Variants in TMEM87A observed in about 807,000 individuals in gnomAD.
TMEM87A encodes Golgi-pH regulating cation channel.
Under a neutral mutation model 90.0 loss-of-function variants are expected in TMEM87A, and 50 were observed. The observed-to-expected ratio is 0.56, with a 90% CI of 0.44 to 0.70. The LOEUF (loss-of-function observed/expected upper bound fraction) is 0.70. Among genes scored for constraint, TMEM87A ranks in the 30% least tolerant of loss-of-function variants. TMEM87A has a pLI of 0.00. For missense variants in TMEM87A, 577 were observed against 660.5 expected, an observed-to-expected ratio of 0.87 and a Z score of 1.39; for synonymous variants, 226 against 226.7, an observed-to-expected ratio of 1.00 and a Z score of 0.03.
chr15:42,254,813 T>C (rs1302439658), intron 6 of TMEM87A, among the ~76,000 whole-genome samples: 1 of 152,212 alleles, frequency 6.6e-6, no homozygotes, highest in East Asian at 1.9e-4. Flanking sequence ...ATTCATACAA[T>C]GTACACTGCA....
At chr15:42,230,010 G>A (rs2050661491) in intron 12 of TMEM87A, among the ~76,000 whole-genome samples, 1 of 152,156 alleles carries the variant, frequency 6.6e-6, no homozygotes, top group Non-Finnish European at 1.5e-5. Flanking sequence ...ATTTTTTGTA[G>A]AGATAGGGCT....
chr15:42,264,699 A>ATATATATT lies in TMEM87A; in HGVS notation c.292-497_292-496insAATATATA, dbSNP rs10681614. Among the ~76,000 whole-genome samples the ATATATATT allele has an allele frequency of 3.4e-3, 374 of 109,410 alleles. 4 individuals carry two copies. Among genetic ancestry groups the ATATATATT allele is most frequent in the African/African-American group, 8.3e-3 (269 of 32,510 alleles). The allele number at this position is 109,410 out of a possible 152,430, so 71.8% of individuals were successfully genotyped here. A position where few individuals can be genotyped will look rare whatever the true frequency, so the allele number is the denominator to read the frequency against. On this transcript the variant is annotated intron_variant, in intron 3 of 19. Transcript: ENST00000389834. ...TATGTGTGTGTATATATATATATATATTTTTTTTTTAACTTTTATTTTAGG... is the reference window on the plus strand; with the variant it reads ...TATGTGTGTGTATATATATATATATATATATATTTTTTTTTTTTAACTTTTATTTTAGG...
At chr15:42,240,828 A>C (rs1021193680) in intron 7 of TMEM87A, among the ~76,000 whole-genome samples, 1 of 152,238 alleles carries the variant, frequency 6.6e-6, no homozygotes, top group African/African-American at 2.4e-5. Flanking sequence ...ATTCCATAAG[A>C]GCAATTATAA....
At chr15:42,231,730 T>C in intron 11 of TMEM87A, 1 of 257,010 alleles carries the variant, frequency 3.9e-6, no homozygotes, top group Non-Finnish European at 6.4e-6. Flanking sequence ...CAAAATAAAA[T>C]GTAAGGCAAT....
At chr15:42,245,221 A>C (rs960341456) in intron 6 of TMEM87A, among the ~76,000 whole-genome samples, 1 of 152,130 alleles carries the variant, frequency 6.6e-6, no homozygotes, top group Non-Finnish European at 1.5e-5. Flanking sequence ...CTCACAACCA[A>C]TTTGTGAGAA....
At chr15:42,249,885 T>C (rs1195651039) in intron 6 of TMEM87A, among the ~76,000 whole-genome samples, 2 of 152,168 alleles carry the variant, frequency 1.3e-5, no homozygotes, top group Non-Finnish European at 2.9e-5. Flanking sequence ...AGTCTCTCAT[T>C]ATTATTGTGT....
intron 7 of TMEM87A, among the ~76,000 whole-genome samples, chr15:42,243,779 C>T (rs1392966507): frequency 6.6e-6 from 1 of 152,024 alleles, no homozygotes; most frequent in East Asian, 1.9e-4. Flanking sequence ...CACGGCCTCC[C>T]AAAGTGCTAG....
intron 9 of TMEM87A, 89 bp downstream of exon 9, chr15:42,237,343 G>T: frequency 7.9e-7 from 1 of 1,267,422 alleles, no homozygotes; most frequent in Non-Finnish European, 1.1e-6. Context: ...GAAAAGTTAA[G>T]CCTATGTAGT....
At chr15:42,233,832 A>AGT (rs2050727940) in intron 10 of TMEM87A, among the ~76,000 whole-genome samples, 3 of 152,194 alleles carry the variant, frequency 2.0e-5, no homozygotes, top group Admixed American at 6.5e-5. Flanking sequence ...GCTGAAGTGC[A>AGT]GTGGCCCAGT....
Position 42,239,703 on chromosome 15 carries a change from T to C in TMEM87A, c.651A>G (p.Glu217=). Reference sequence around the variant, plus strand: ...AGGGATAGTCTTCAAGTGTGAGGTATTCATAGGGACCCTTCACTTCAACAG... The same window carrying C: ...AGGGATAGTCTTCAAGTGTGAGGTACTCATAGGGACCCTTCACTTCAACAG... ...TMTVEVKGPY[E]YLTLEDYPLM... Residue 217 remains glutamate, a synonymous_variant, in exon 8 of 20, where the codon GAA becomes GAG. Coordinates refer to ENST00000389834, the MANE Select transcript of TMEM87A (RefSeq NM_015497.5). The C allele has an allele frequency of 3.7e-6, 6 of 1,614,008 alleles. No homozygotes were observed. Among genetic ancestry groups the C allele is most frequent in the Non-Finnish European group, 5.1e-6 (6 of 1,179,882 alleles).
In TMEM87A at chr15:42,219,674, C is replaced by T. The variant is rs200416248; in HGVS notation, c.1478-32G>A. On this transcript the variant is annotated intron_variant, in intron 16 of 19. Coordinates refer to ENST00000389834, the MANE Select transcript of TMEM87A (RefSeq NM_015497.5). Reference sequence around the variant, plus strand: ...AAGAAAATAAATATACACTGTTTAACTTTGTGAACAGACCAACAATGTTGG... The same window carrying T: ...AAGAAAATAAATATACACTGTTTAATTTTGTGAACAGACCAACAATGTTGG... 2.4e-4 allele frequency: 353 copies of T among 1,466,028 alleles called. 1 individual carries two copies. The African/African-American group carries it at 4.1e-3, about 17-fold the overall frequency. The allele number at this position is 1,466,028 out of a possible 1,614,324, so 90.8% of individuals were successfully genotyped here.
chr15:42,266,337 A>C lies in TMEM87A; in HGVS notation c.291+1610T>G, dbSNP rs181748933. Among the ~76,000 whole-genome samples the C allele has an allele frequency of 8.9e-4, 136 of 152,138 alleles. 2 individuals carry two copies. The East Asian group carries it at 0.025, about 28-fold the overall frequency. On this transcript the variant is annotated intron_variant, in intron 3 of 19. Coordinates refer to ENST00000389834, the MANE Select transcript of TMEM87A (RefSeq NM_015497.5). ...TTGAGACCAGCCTGGCCAACATGGC[A>C]AAACCCCATCTTTACTAAAAATACA...
chr15:42,247,247 T>C (rs568163611), intron 6 of TMEM87A, among the ~76,000 whole-genome samples: 2 of 152,348 alleles, frequency 1.3e-5, no homozygotes, highest in East Asian at 1.9e-4. Context: ...AGGTTGCCTG[T>C]TCACTCTGAC....
intron 4 of TMEM87A, among the ~76,000 whole-genome samples, chr15:42,262,713 G>C (rs1160650871): frequency 1.3e-5 from 2 of 152,028 alleles, no homozygotes; most frequent in Non-Finnish European, 2.9e-5. Context: ...CACCGCATCT[G>C]GCCTCAATTA....
In TMEM87A at chr15:42,218,191, G is replaced by A. The variant is rs76098837; in HGVS notation, c.1595+132C>T. ...AATAAACCCAATTAATTTTGTTTGC[G>A]GATTATTCCTATTCTTTTAATTATT... On this transcript the variant is annotated intron_variant, in intron 18 of 19. Transcript: ENST00000389834. The A allele has an allele frequency of 5.0e-4, 457 of 909,850 alleles. 4 individuals are homozygous for A. The highest frequency in any genetic ancestry group is 3.6e-3 in the African/African-American group (211 of 59,334). 56.4% of individuals were successfully genotyped at this position (909,850 alleles called of 1,614,324 possible). A position where few individuals can be genotyped will look rare whatever the true frequency, so the allele number is the denominator to read the frequency against.
Position 42,236,288 on chromosome 15 carries a change from T to C in TMEM87A, c.968+32A>G, listed in dbSNP as rs180835914. ...TGTTTTAATTTAATCAGCATTTTAA[T>C]TTGCTCTTCCATACAGGAAGTTAAT... On this transcript the variant is annotated intron_variant, in intron 10 of 19. Coordinates refer to ENST00000389834, the MANE Select transcript of TMEM87A (RefSeq NM_015497.5). 281 of 1,562,004 alleles carry C rather than the reference T, an allele frequency of 1.8e-4. 1 individual carries two copies. In the East Asian group the frequency reaches 5.5e-3, roughly 30 times the overall value.
chr15:42,256,748 G>A (rs1458358787), intron 6 of TMEM87A, among the ~76,000 whole-genome samples: 2 of 152,110 alleles, frequency 1.3e-5, no homozygotes, highest in Non-Finnish European at 2.9e-5. Flanking sequence ...TTAGAGACGA[G>A]GTATGGCTCT....
intron 9 of TMEM87A, 64 bp downstream of exon 9, chr15:42,237,368 G>C: frequency 4.6e-6 from 7 of 1,536,296 alleles, no homozygotes; most frequent in South Asian, 1.2e-5. Flanking sequence ...GCTGACCTTA[G>C]GAATATTTTC....
chr15:42,232,201 G>A (rs1712421), intron 11 of TMEM87A, among the ~76,000 whole-genome samples: 104,864 of 152,024 alleles, frequency 0.69, 40,032 homozygotes, highest in Non-Finnish European at 0.86. Context: ...ATACTTCTTC[G>A]TATTAATCCA....
Sources: gnomAD v4.1 joint callset for allele counts (sites outside exome capture counted in the v4.1 genomes callset) on GRCh38, gnomAD v4.1.1 for gene constraint, MANE v1.5 for transcripts, NCBI Gene and HGNC (gene_info 2026-07-23, HGNC 2026-07-21) for gene names.